The following EPG5 variants were observed in gnomAD, a reference collection of about 807,000 sequenced individuals.
EPG5 encodes the protein ectopic P granules protein 5 homolog.
In EPG5, 159 loss-of-function variants were observed where a neutral mutation model predicts 302.7. The observed-to-expected ratio is 0.53, with a 90% CI of 0.46 to 0.60. The LOEUF (loss-of-function observed/expected upper bound fraction) is 0.60. Among genes scored for constraint, EPG5 ranks in the 20% least tolerant of loss-of-function variants. The pLI, the probability that EPG5 is intolerant of heterozygous loss-of-function variation, is 0.00. For synonymous variants in EPG5, 1,158 were observed against 1,136.8 expected, an observed-to-expected ratio of 1.02 and a Z score of -0.37; for missense variants, 2,896 against 3,092.4, an observed-to-expected ratio of 0.94 and a Z score of 1.51.
chr18:45,914,613 T>C (rs981902087), intron 20 of EPG5, among the ~76,000 whole-genome samples: 5 of 152,208 alleles, frequency 3.3e-5, no homozygotes, highest in Non-Finnish European at 7.3e-5. Context: ...TTATTCCCAT[T>C]TGACAATTGA....
chr18:45,882,507 A>G lies in EPG5; in HGVS notation c.5305-20T>C, dbSNP rs779021574. ...ATCGAACTAAAAAGAAAAAGAAACA[A>G]AAAGCCGTTTTATTTGCACTAGAAA... On this transcript the variant is annotated intron_variant, in intron 30 of 43. Coordinates refer to ENST00000282041, the MANE Select transcript of EPG5 (RefSeq NM_020964.3). 2.5e-6 allele frequency: 4 copies of G among 1,592,504 alleles called. No individual in the cohort carries two copies. The highest frequency in any genetic ancestry group is 2.7e-5 in the African/African-American group (2 of 73,606).
intron 31 of EPG5, among the ~76,000 whole-genome samples, chr18:45,880,767 C>T (rs1019921609): frequency 4.6e-5 from 7 of 152,128 alleles, no homozygotes; most frequent in African/African-American, 1.7e-4. Context: ...ACTTCCCATC[C>T]CACAGGACAG....
the EPG5 span, among the ~76,000 whole-genome samples, chr18:45,814,410 A>G: frequency 0.74 from 113,077 of 152,178 alleles, 42,923 homozygotes; most frequent in East Asian, 0.92. Flanking sequence ...ACATGGGATC[A>G]ATTTGATCCT....
the EPG5 span, among the ~76,000 whole-genome samples, chr18:45,821,326 C>T: frequency 6.6e-6 from 1 of 152,220 alleles, no homozygotes; most frequent in Non-Finnish European, 1.5e-5. Context: ...AACAAACTAA[C>T]TTTATCTTAC....
chr18:45,920,773 C>A lies in EPG5; in HGVS notation c.3098+1568G>T, dbSNP rs1371006060. Among the ~76,000 whole-genome samples the A allele has an allele frequency of 2.0e-5, 3 of 152,218 alleles. No individual in the cohort carries two copies. The South Asian group carries it at 6.2e-4, about 31-fold the overall frequency. ...CTCCCATTAGGTTCCATCTCCAACA[C>A]TGGGGATCAAATGTCAACATGAGGT... On this transcript the variant is annotated intron_variant, in intron 16 of 43. Coordinates refer to ENST00000282041, the MANE Select transcript of EPG5 (RefSeq NM_020964.3).
chr18:45,822,077 A>G, the EPG5 span, among the ~76,000 whole-genome samples: 2 of 152,354 alleles, frequency 1.3e-5, no homozygotes, highest in East Asian at 1.9e-4. Flanking sequence ...GAAACTCAGT[A>G]TATGAAAAAG....
intron 25 of EPG5, 138 bp from the exon 26 acceptor site, chr18:45,901,305 A>G: frequency 4.2e-6 from 3 of 716,462 alleles, no homozygotes; most frequent in South Asian, 2.0e-5. Flanking sequence ...AAAGCTCATG[A>G]TCTTAAATTA....
At chr18:45,860,932 TAAAG>T (rs2048622013) in intron 39 of EPG5, among the ~76,000 whole-genome samples, 1 of 152,006 alleles carries the variant, frequency 6.6e-6, no homozygotes, top group Non-Finnish European at 1.5e-5. Flanking sequence ...AAATTGGAGG[TAAAG>T]AGAGAGGAAT....
intron 39 of EPG5, among the ~76,000 whole-genome samples, chr18:45,864,886 G>A (rs1355212798): frequency 6.6e-6 from 1 of 152,202 alleles, no homozygotes; most frequent in Non-Finnish European, 1.5e-5. Flanking sequence ...GGCCAAAACA[G>A]GTAACTGTCT....
intron 16 of EPG5, among the ~76,000 whole-genome samples, chr18:45,922,107 G>T (rs2050167578): frequency 6.6e-6 from 1 of 152,068 alleles, no homozygotes; most frequent in Admixed American, 6.6e-5. Flanking sequence ...CACTCCAGGA[G>T]ACAAGCAGAA....
chr18:45,859,062 G>A (rs926482875), intron 40 of EPG5, among the ~76,000 whole-genome samples: 4 of 152,180 alleles, frequency 2.6e-5, no homozygotes, highest in Admixed American at 1.3e-4. Context: ...GGCTGCATAC[G>A]TATAAATCAC....
chr18:45,825,391 T>A, the EPG5 span: 1 of 422,236 alleles, frequency 2.4e-6, no homozygotes, highest in Non-Finnish European at 4.4e-6. Context: ...ATAAACAGCA[T>A]AAAGACAACA....
At chr18:45,948,421 G>A (rs968607382) in intron 6 of EPG5, 82 bp downstream of exon 6, 37 of 1,069,488 alleles carry the variant, frequency 3.5e-5, no homozygotes, top group Non-Finnish European at 5.2e-5. Context: ...GTTCTTCTTT[G>A]GATCTAGGCA....
At chr18:45,803,426 G>A in the EPG5 span, among the ~76,000 whole-genome samples, 1 of 152,152 alleles carries the variant, frequency 6.6e-6, no homozygotes, top group East Asian at 1.9e-4. Flanking sequence ...TTAACACTTG[G>A]AAGAAAGGGT....
chr18:45,826,370 A>G, the EPG5 span, among the ~76,000 whole-genome samples: 1 of 152,132 alleles, frequency 6.6e-6, no homozygotes, highest in Non-Finnish European at 1.5e-5. Context: ...GTGTTTCAAA[A>G]GGCACAGGGA....
At chr18:45,963,057 C>T (rs1011625910) in intron 1 of EPG5, among the ~76,000 whole-genome samples, 1 of 151,970 alleles carries the variant, frequency 6.6e-6, no homozygotes, top group Non-Finnish European at 1.5e-5. Context: ...TTTCATCATT[C>T]GACGAACATT....
At chr18:45,811,510 ATCC>A in the EPG5 span, among the ~76,000 whole-genome samples, 701 of 152,332 alleles carry the variant, frequency 4.6e-3, 7 homozygotes, top group African/African-American at 0.016. Flanking sequence ...TGATGCAAAA[ATCC>A]TCAATAAAAT....
At position 45,870,560 on chromosome 18, in the gene EPG5, G is replaced by C. The variant is rs1367853038; in HGVS notation, c.6225+7C>G. Reference sequence around the variant, plus strand: ...CTAGGCTGCGATGCCGGGAATGAAGGGCTTACTTTGAAGAAGGCCTCCATG... The same window carrying C: ...CTAGGCTGCGATGCCGGGAATGAAGCGCTTACTTTGAAGAAGGCCTCCATG... On this transcript the variant is annotated splice_region_variant and intron_variant, in intron 36 of 43. Transcript: ENST00000282041. 9.9e-6 allele frequency: 16 copies of C among 1,611,450 alleles called. No homozygotes were observed. Among genetic ancestry groups the C allele is most frequent in the Non-Finnish European group, 1.3e-5 (15 of 1,178,064 alleles).
intron 34 of EPG5, among the ~76,000 whole-genome samples, chr18:45,876,775 G>T (rs1040827679): frequency 6.6e-6 from 1 of 151,176 alleles, no homozygotes; most frequent in Non-Finnish European, 1.5e-5. Flanking sequence ...AATAGAAAAT[G>T]AGCAAATAAA....
Sources: gnomAD v4.1 joint callset for allele counts (sites outside exome capture counted in the v4.1 genomes callset) on GRCh38, gnomAD v4.1.1 for gene constraint, MANE v1.5 for transcripts, NCBI Gene and HGNC (gene_info 2026-07-23, HGNC 2026-07-21) for gene names.